The following SDK1 variants were observed in gnomAD, a reference collection of about 807,000 sequenced individuals.
The protein encoded by SDK1 is sidekick cell adhesion molecule 1, also known as protein sidekick-1.
In SDK1, 157 loss-of-function variants were observed where a neutral mutation model predicts 245.5. That is an observed-to-expected ratio of 0.64 (90% CI 0.56 to 0.73). SDK1 has a LOEUF of 0.73. SDK1 is among the 30% of genes least tolerant of loss of function. The probability of loss-of-function intolerance (pLI) is 0.00; values close to 1 mark genes in which losing one functional copy is unlikely to be tolerated. For missense variants in SDK1, 3,583 were observed against 3,002.3 expected (o/e 1.19, Z -4.52); for synonymous variants, 1,647 against 1,278.5 (o/e 1.29, Z -6.15).
intron 5 of SDK1, among the ~76,000 whole-genome samples, chr7:3,856,363 A>T (rs1021342611): frequency 6.6e-6 from 1 of 152,078 alleles, no homozygotes; most frequent in African/African-American, 2.4e-5. Flanking sequence ...TTGGCAAAAT[A>T]AGTGCATAAA....
chr7:3,531,882 T>A (rs1583131716), intron 1 of SDK1, among the ~76,000 whole-genome samples: 1 of 152,214 alleles, frequency 6.6e-6, no homozygotes, highest in Non-Finnish European at 1.5e-5. Context: ...AGAAATTAAG[T>A]AGGCTTTTGT....
chr7:4,245,909 T>A (rs955387690), intron 44 of SDK1, 104 bp downstream of exon 44: 10 of 1,383,422 alleles, frequency 7.2e-6, no homozygotes, highest in African/African-American at 2.9e-5. Flanking sequence ...TCTCATAACA[T>A]CCCCACAGGC....
At chr7:3,789,462 T>C (rs548925644) in intron 4 of SDK1, among the ~76,000 whole-genome samples, 1 of 152,356 alleles carries the variant, frequency 6.6e-6, no homozygotes, top group Non-Finnish European at 1.5e-5. Flanking sequence ...ACTGCTTTTC[T>C]ACTTTACAGG....
rs73674304 is a variant in SDK1, at chr7:3,839,646, T to C, written c.847+18063T>C. On this transcript the variant is annotated intron_variant, in intron 5 of 44. Coordinates refer to ENST00000404826, the MANE Select transcript of SDK1 (RefSeq NM_152744.4). ...TTTACCTAGAAGTAATATCCATCCA[T>C]GAATATATGAACTAATTAAAAAAAG... Among the ~76,000 whole-genome samples, 1,014 of 152,314 alleles carry C rather than the reference T, an allele frequency of 6.7e-3. 12 individuals carry two copies. The highest frequency in any genetic ancestry group is 0.023 in the African/African-American group (951 of 41,568).
At chr7:3,968,652 T>C (rs1211018897) in intron 10 of SDK1, among the ~76,000 whole-genome samples, 4 of 152,214 alleles carry the variant, frequency 2.6e-5, no homozygotes, top group African/African-American at 9.6e-5. Flanking sequence ...AACATAGCAA[T>C]CACGTTCATG....
chr7:3,914,682 T>C (rs763759983), intron 5 of SDK1, among the ~76,000 whole-genome samples: 17 of 152,218 alleles, frequency 1.1e-4, no homozygotes, highest in Non-Finnish European at 1.8e-4. Flanking sequence ...GTTGGGTATC[T>C]GTGACAGCCA....
In SDK1 at chr7:4,242,988, G is replaced by A. The variant is rs377531718; in HGVS notation, c.6251+1075G>A. ...ACCCCACGAGGCCTTCCCAAGGGCT[G>A]GAGGTGGATGCTGGTGGTGACATCT... On this transcript the variant is annotated intron_variant, in intron 43 of 44. Transcript: ENST00000404826. Among the ~76,000 whole-genome samples the A allele has an allele frequency of 8.5e-5, 13 of 152,340 alleles. No individual in the cohort carries two copies. In the East Asian group the frequency reaches 2.1e-3, roughly 25 times the overall value.
chr7:3,587,462 G>T (rs557036904), intron 1 of SDK1, among the ~76,000 whole-genome samples: 1 of 152,202 alleles, frequency 6.6e-6, no homozygotes, highest in Admixed American at 6.5e-5. Context: ...AGAGAGCCAA[G>T]GGTACAGGTT....
chr7:3,798,749 T>C lies in SDK1; in HGVS notation c.714-22701T>C, dbSNP rs139076846. 7.8e-3 allele frequency among the ~76,000 whole-genome samples: 1,189 copies of C among 152,264 alleles called. 15 individuals are homozygous for C. Among genetic ancestry groups the C allele is most frequent in the Non-Finnish European group, 0.011 (716 of 68,028 alleles). On this transcript the variant is annotated intron_variant, in intron 4 of 44. Transcript: ENST00000404826. Reference sequence around the variant, plus strand: ...AGCAAGTCTCTTAGCCCGGCCCACATGCAAGGGGAGAGTAGTTAAGCCCCC... The same window carrying C: ...AGCAAGTCTCTTAGCCCGGCCCACACGCAAGGGGAGAGTAGTTAAGCCCCC...
intron 4 of SDK1, among the ~76,000 whole-genome samples, chr7:3,801,718 C>T (rs1289996971): frequency 6.6e-6 from 1 of 152,194 alleles, no homozygotes; most frequent in Non-Finnish European, 1.5e-5. Flanking sequence ...GGTTCCTTCT[C>T]CTCTTGCTTC....
In SDK1 at chr7:4,268,580, A is replaced by T; in HGVS notation, c.*3196A>T. ...TGGCTCACTCTGTACAGGTCTTCGGAGGCCGTGTTTGTATCTAACTGTGAC... is the reference window on the plus strand; with the variant it reads ...TGGCTCACTCTGTACAGGTCTTCGGTGGCCGTGTTTGTATCTAACTGTGAC... On this transcript the variant is annotated 3_prime_UTR_variant, in exon 45 of 45. Coordinates refer to ENST00000404826, the MANE Select transcript of SDK1 (RefSeq NM_152744.4). The T allele has an allele frequency of 7.4e-7, 1 of 1,352,460 alleles. No homozygotes were observed. Among genetic ancestry groups the T allele is most frequent in the Non-Finnish European group, 9.9e-7 (1 of 1,013,748 alleles). The allele number at this position is 1,352,460 out of a possible 1,614,324, so 83.8% of individuals were successfully genotyped here. A position where few individuals can be genotyped will look rare whatever the true frequency, so the allele number is the denominator to read the frequency against.
At chr7:3,833,864 C>T (rs1779970853) in intron 5 of SDK1, among the ~76,000 whole-genome samples, 1 of 152,210 alleles carries the variant, frequency 6.6e-6, no homozygotes, top group South Asian at 2.1e-4. Context: ...GAACCCTAGC[C>T]TGGCATTAGA....
At position 4,251,564 on chromosome 7, in the gene SDK1, G is replaced by A. The variant is rs149358415; in HGVS notation, c.6381+5759G>A. On this transcript the variant is annotated intron_variant, in intron 44 of 44. Transcript: ENST00000404826. ...AAACTCACTGCCCAGGGTTTTTATC[G>A]GAAGCTGGTCACATAGGCATCCTCT... Among the ~76,000 whole-genome samples the A allele has an allele frequency of 2.4e-4, 37 of 152,238 alleles. 1 individual carries two copies. Among genetic ancestry groups the A allele is most frequent in the Middle Eastern group, 6.8e-3 (2 of 294 alleles).
intron 5 of SDK1, among the ~76,000 whole-genome samples, chr7:3,913,199 G>C (rs573747402): frequency 7.2e-5 from 11 of 152,066 alleles, no homozygotes; most frequent in Non-Finnish European, 1.3e-4. Context: ...CTCCTGGCTC[G>C]CGCTAAGCGT....
intron 4 of SDK1, among the ~76,000 whole-genome samples, chr7:3,735,258 C>T (rs966508393): frequency 3.3e-5 from 5 of 151,992 alleles, no homozygotes; most frequent in Non-Finnish European, 5.9e-5. Flanking sequence ...GTTGTGCAAC[C>T]CATCTTTAGA....
chr7:3,605,484 A>G (rs573900046), intron 1 of SDK1, among the ~76,000 whole-genome samples: 8 of 152,200 alleles, frequency 5.3e-5, no homozygotes, highest in Non-Finnish European at 1.2e-4. Context: ...AATAATGTTG[A>G]CTTTTCCTTC....
At chr7:3,814,917 A>T (rs996879766) in intron 4 of SDK1, among the ~76,000 whole-genome samples, 4 of 152,202 alleles carry the variant, frequency 2.6e-5, no homozygotes, top group African/African-American at 9.6e-5. Context: ...CTCTGTTTGT[A>T]TGTTGTTGGT....
intron 1 of SDK1, among the ~76,000 whole-genome samples, chr7:3,614,703 A>G (rs1781714217): frequency 1.3e-5 from 2 of 152,228 alleles, no homozygotes; most frequent in South Asian, 4.1e-4. Flanking sequence ...TGCTGGGCTC[A>G]GAGAAGTGCT....
At chr7:4,264,802 T>G (rs1788350564) in intron 44 of SDK1, among the ~76,000 whole-genome samples, 1 of 146,052 alleles carries the variant, frequency 6.8e-6, no homozygotes, top group Admixed American at 6.8e-5. Context: ...ACCATGTAGA[T>G]TGCTCCTGAG....
Sources: allele counts gnomAD v4.1 joint callset (sites outside exome capture counted in the v4.1 genomes callset), GRCh38; gene constraint gnomAD v4.1.1; transcripts MANE v1.5; gene names NCBI Gene and HGNC (gene_info 2026-07-23, HGNC 2026-07-21).